DPYD: variants seen among roughly 807,000 people sequenced by gnomAD.
DPYD encodes the protein dihydropyrimidine dehydrogenase.
A neutral mutation model predicts 116.2 loss-of-function variants in DPYD; 109 were observed. The ratio of observed to expected loss-of-function variants is 0.94; its 90% CI spans 0.80 to 1.10. DPYD has a LOEUF of 1.10. DPYD is among the 50% of genes least tolerant of loss of function. The pLI, the probability that DPYD is intolerant of heterozygous loss-of-function variation, is 0.00. For synonymous variants in DPYD, 440 were observed against 432.0 expected (o/e 1.02, Z -0.23); for missense variants, 1,302 against 1,254.5 (o/e 1.04, Z -0.57).
intron 3 of DPYD, among the ~76,000 whole-genome samples, chr1:97,745,732 C>A (rs1406456700): frequency 1.3e-5 from 2 of 152,040 alleles, no homozygotes; most frequent in Non-Finnish European, 2.9e-5. Context: ...ATAGATGAGG[C>A]TCCAGTCATC....
intron 18 of DPYD, chr1:97,280,258 T>A (rs1665233100): frequency 2.0e-5 from 3 of 151,492 alleles, no homozygotes; most frequent in Admixed American, 2.0e-4. Flanking sequence ...TCAAAATAAA[T>A]AAATGAATAA....
chr1:97,191,239 C>A (rs1165421694), intron 20 of DPYD, among the ~76,000 whole-genome samples: 1 of 151,682 alleles, frequency 6.6e-6, no homozygotes, highest in South Asian at 2.1e-4. Context: ...AAAAAAAGAA[C>A]GATTAGGAAA....
intron 16 of DPYD, among the ~76,000 whole-genome samples, chr1:97,318,956 C>G (rs1390853703): frequency 1.6e-5 from 2 of 126,588 alleles, no homozygotes; most frequent in Non-Finnish European, 3.3e-5. Context: ...TACATGGAAA[C>G]TGAACAACCT....
At chr1:97,376,024 A>G (rs1671592424) in intron 15 of DPYD, among the ~76,000 whole-genome samples, 1 of 152,246 alleles carries the variant, frequency 6.6e-6, no homozygotes, top group South Asian at 2.1e-4. Flanking sequence ...CATTTACAAT[A>G]TGCCAGATAC....
At chr1:97,706,979 A>G (rs899187055) in intron 5 of DPYD, among the ~76,000 whole-genome samples, 1 of 151,986 alleles carries the variant, frequency 6.6e-6, no homozygotes, top group Admixed American at 6.6e-5. Context: ...TAAAGTTCCT[A>G]TTTCTCCTAA....
At chr1:97,467,237 AC>A (rs1383411673) in intron 13 of DPYD, among the ~76,000 whole-genome samples, 3 of 152,210 alleles carry the variant, frequency 2.0e-5, no homozygotes, top group African/African-American at 7.2e-5. Context: ...CTGAACTTTG[AC>A]CAAAGTTCTT....
At chr1:97,235,911 T>G (rs1482136208) in intron 18 of DPYD, among the ~76,000 whole-genome samples, 3 of 151,832 alleles carry the variant, frequency 2.0e-5, no homozygotes, top group African/African-American at 7.3e-5. Flanking sequence ...TAGAATCCAG[T>G]AATTAGAGTG....
At chr1:97,406,856 C>T (rs1332265994) in intron 14 of DPYD, among the ~76,000 whole-genome samples, 1 of 152,066 alleles carries the variant, frequency 6.6e-6, no homozygotes, top group African/African-American at 2.4e-5. Context: ...AGTAAGTCAA[C>T]TAAAGTCATA....
At chr1:97,477,343 T>C (rs1405120817) in intron 13 of DPYD, among the ~76,000 whole-genome samples, 1 of 152,202 alleles carries the variant, frequency 6.6e-6, no homozygotes, top group Non-Finnish European at 1.5e-5. Flanking sequence ...TTGCAGGAAT[T>C]AAGTCACATC....
intron 13 of DPYD, among the ~76,000 whole-genome samples, chr1:97,499,938 T>C (rs982253873): frequency 2.0e-5 from 3 of 151,898 alleles, no homozygotes; most frequent in African/African-American, 4.8e-5. Context: ...GGGTGGCAAA[T>C]GGTAATAGAG....
chr1:97,367,636 C>T (rs1439507476), intron 16 of DPYD, among the ~76,000 whole-genome samples: 1 of 152,066 alleles, frequency 6.6e-6, no homozygotes, highest in African/African-American at 2.4e-5. Flanking sequence ...TGTTCAGGTC[C>T]TTATTTGCCT....
chr1:97,449,412 T>A (rs1676275009), intron 14 of DPYD, among the ~76,000 whole-genome samples: 1 of 146,844 alleles, frequency 6.8e-6, no homozygotes, highest in Non-Finnish European at 1.5e-5. Context: ...GAAGAAGGAG[T>A]AGGAAAAAAA....
chr1:97,079,354 T>C lies in DPYD; in HGVS notation c.2908-208A>G, dbSNP rs76665493. On this transcript the variant is annotated intron_variant, in intron 22 of 22. Transcript: ENST00000370192. ...AAATCCTTTTAAATTAAAAACACAA[T>C]GTTTAAAATTCCTTAGGGGTATTTT... 4.1e-3 allele frequency among the ~76,000 whole-genome samples: 618 copies of C among 152,228 alleles called. 2 individuals are homozygous for C. Among genetic ancestry groups the C allele is most frequent in the African/African-American group, 0.014 (595 of 41,554 alleles).
At chr1:97,447,918 A>C (rs553833975) in intron 14 of DPYD, among the ~76,000 whole-genome samples, 33 of 152,256 alleles carry the variant, frequency 2.2e-4, no homozygotes, top group Non-Finnish European at 4.3e-4. Flanking sequence ...ATTTCATACC[A>C]TTCTCATGTT....
chr1:97,368,236 C>A (rs1341794845), intron 16 of DPYD, among the ~76,000 whole-genome samples: 2 of 152,076 alleles, frequency 1.3e-5, no homozygotes, highest in African/African-American at 2.4e-5. Flanking sequence ...GGGTCAGTAA[C>A]AAAGGCACTA....
chr1:97,241,356 T>A (rs1662327315), intron 18 of DPYD, among the ~76,000 whole-genome samples: 1 of 151,940 alleles, frequency 6.6e-6, no homozygotes, highest in South Asian at 2.1e-4. Context: ...GGCAGGGGCT[T>A]CATGTACACT....
intron 3 of DPYD, among the ~76,000 whole-genome samples, chr1:97,823,163 T>C (rs1441414201): frequency 6.6e-6 from 1 of 152,020 alleles, no homozygotes; most frequent in East Asian, 1.9e-4. Flanking sequence ...TTTTGTTTTT[T>C]GTTTTTTTTG....
intron 2 of DPYD, among the ~76,000 whole-genome samples, chr1:97,848,835 G>T (rs778172157): frequency 3.9e-5 from 6 of 152,142 alleles, no homozygotes; most frequent in Non-Finnish European, 8.8e-5. Flanking sequence ...TTTTTTCTGT[G>T]TATTATAAGG....
chr1:97,719,940 G>A, intron 5 of DPYD: 1 of 984,876 alleles, frequency 1.0e-6, no homozygotes. Context: ...CTTATGGCAA[G>A]ACCTAAGTGT....
Sources: gnomAD v4.1 joint callset for allele counts (sites outside exome capture counted in the v4.1 genomes callset) on GRCh38, gnomAD v4.1.1 for gene constraint, MANE v1.5 for transcripts, NCBI Gene and HGNC (gene_info 2026-07-23, HGNC 2026-07-21) for gene names.